The following VWCE variants were observed in gnomAD, a reference collection of about 807,000 sequenced individuals.
VWCE encodes von Willebrand factor C and EGF domain-containing protein.
Under a neutral mutation model 102.9 loss-of-function variants are expected in VWCE, and 68 were observed. That is an observed-to-expected ratio of 0.66 (90% CI 0.54 to 0.81). The LOEUF is 0.81. Ranked by LOEUF, VWCE falls within the 30% of genes least tolerant of loss-of-function variation. The probability of loss-of-function intolerance (pLI) is 0.00; values close to 1 mark genes in which losing one functional copy is unlikely to be tolerated. For synonymous variants in VWCE, 497 were observed against 515.4 expected, an observed-to-expected ratio of 0.96 and a Z score of 0.48; for missense variants, 1,137 against 1,263.6, an observed-to-expected ratio of 0.90 and a Z score of 1.52.
chr11:61,269,601 A>T (rs760382875), intron 14 of VWCE, among the ~76,000 whole-genome samples: 8 of 151,752 alleles, frequency 5.3e-5, no homozygotes, highest in Non-Finnish European at 1.0e-4. Flanking sequence ...ATGCGCCACC[A>T]CGCCAGGCTA....
At chr11:61,267,828 G>A (rs984629766) in intron 15 of VWCE, among the ~76,000 whole-genome samples, 1 of 152,128 alleles carries the variant, frequency 6.6e-6, no homozygotes, top group Non-Finnish European at 1.5e-5. Context: ...TCACCAGGGG[G>A]GATCAGGTGG....
intron 4 of VWCE, among the ~76,000 whole-genome samples, chr11:61,288,111 C>T (rs1005735383): frequency 1.3e-4 from 19 of 142,120 alleles, no homozygotes; most frequent in Non-Finnish European, 1.2e-4. Flanking sequence ...GAGCCGAGAT[C>T]GCACCACTGC....
chr11:61,282,031 A>C (rs1269438092), intron 6 of VWCE, 117 bp from the exon 7 acceptor site: 4 of 1,452,878 alleles, frequency 2.8e-6, no homozygotes, highest in Non-Finnish European at 2.7e-6. Flanking sequence ...TACAGGGTCC[A>C]TGCCTGCCCC....
chr11:61,266,179 A>G (rs1316030021), intron 16 of VWCE, among the ~76,000 whole-genome samples: 1 of 152,202 alleles, frequency 6.6e-6, no homozygotes, highest in Non-Finnish European at 1.5e-5. Context: ...CCTAGGCAAC[A>G]GAGCAAGATC....
At chr11:61,264,352 A>C in intron 19 of VWCE, 135 bp downstream of exon 19, 1 of 836,392 alleles carries the variant, frequency 1.2e-6, no homozygotes, top group Non-Finnish European at 1.9e-6. Flanking sequence ...CAGCTGTACA[A>C]CCTTGCGCGA....
chr11:61,290,991 C>T (rs1334779776), intron 3 of VWCE, 64 bp from the exon 4 acceptor site: 9 of 1,568,388 alleles, frequency 5.7e-6, no homozygotes, highest in Non-Finnish European at 7.8e-6. Flanking sequence ...CCCACTTCAC[C>T]AGGGTCCTCC....
chr11:61,266,359 A>G (rs1261862711), intron 16 of VWCE, among the ~76,000 whole-genome samples: 1 of 152,096 alleles, frequency 6.6e-6, no homozygotes. Context: ...GAGCAATACA[A>G]CACGACCCCA....
At chr11:61,289,915 C>T (rs1855446732) in intron 4 of VWCE, among the ~76,000 whole-genome samples, 1 of 152,188 alleles carries the variant, frequency 6.6e-6, no homozygotes, top group African/African-American at 2.4e-5. Flanking sequence ...AGGCTTTTGT[C>T]GCTCTGGAAA....
Position 61,278,403 on chromosome 11 carries a change from A to G in VWCE, c.1398T>C (p.Cys466=). 6.2e-7 allele frequency: 1 copy of G among 1,614,186 alleles called. No individual in the cohort carries two copies. Among genetic ancestry groups the G allele is most frequent in the East Asian group, 2.2e-5 (1 of 44,880 alleles). The change falls in exon 10 of 20, where the codon TGT becomes TGC. Residue 466 remains cysteine (C), a synonymous_variant. Coordinates refer to ENST00000335613, the MANE Select transcript of VWCE (RefSeq NM_152718.2). ...FSPPNENCTV[C]VCLAGNVSCI... ...ATCTTGTGACGCTTACCAGACAGACACAGACGGTGCAGTTCTCATTGGGAG... is the reference window on the plus strand; with the variant it reads ...ATCTTGTGACGCTTACCAGACAGACGCAGACGGTGCAGTTCTCATTGGGAG...
intron 10 of VWCE, among the ~76,000 whole-genome samples, chr11:61,277,126 GAGAA>G (rs1221635039): frequency 1.5e-5 from 2 of 137,102 alleles, no homozygotes; most frequent in Non-Finnish European, 3.1e-5. Flanking sequence ...AAGAAAGAGA[GAGAA>G]AGAGAAGAAA....
At chr11:61,276,481 G>T (rs1333809631) in intron 11 of VWCE, 112 bp downstream of exon 11, 2 of 775,204 alleles carry the variant, frequency 2.6e-6, no homozygotes, top group Non-Finnish European at 3.7e-6. Flanking sequence ...ACTTTGAGAG[G>T]CTGAAGCAGG....
rs1434432615 is a variant in VWCE at position 61,264,491 on chromosome 11, ACAGG to A, written c.2222_2225del (p.Ser741PhefsTer62). On this transcript the variant is annotated frameshift_variant, in exon 19 of 20. Coordinates refer to ENST00000335613, the MANE Select transcript of VWCE (RefSeq NM_152718.2). LOFTEE classifies it low-confidence loss of function (END_TRUNC). ...AGGACCCAGAGACCCACTTACCTGG[ACAGG>A]AAGAGCAGCAGTCCCCAGGAAGCAG... The A allele has an allele frequency of 6.2e-7, 1 of 1,613,196 alleles. No individual in the cohort carries two copies. The highest frequency in any genetic ancestry group is 2.2e-5 in the East Asian group (1 of 44,884).
At chr11:61,268,685 G>T (rs1274858502) in intron 15 of VWCE, among the ~76,000 whole-genome samples, 1 of 152,154 alleles carries the variant, frequency 6.6e-6, no homozygotes, top group Non-Finnish European at 1.5e-5. Context: ...TGTCTCACAG[G>T]TGCAGCTCCT....
intron 4 of VWCE, among the ~76,000 whole-genome samples, chr11:61,288,588 G>A (rs1855404657): frequency 6.6e-6 from 1 of 152,186 alleles, no homozygotes; most frequent in Admixed American, 6.5e-5. Context: ...ACCCTGTCCT[G>A]CAAGTGCTTT....
intron 14 of VWCE, chr11:61,271,306 C>G (rs1240535993): frequency 4.6e-6 from 1 of 215,982 alleles, no homozygotes; most frequent in Non-Finnish European, 9.5e-6. Flanking sequence ...CCACCACGCT[C>G]GGCTAATATT....
chr11:61,289,381 G>A (rs1590658493), intron 4 of VWCE, among the ~76,000 whole-genome samples: 1 of 152,012 alleles, frequency 6.6e-6, no homozygotes, highest in East Asian at 1.9e-4. Flanking sequence ...CTCCTGAGTA[G>A]CCGGGATTAC....
intron 11 of VWCE, among the ~76,000 whole-genome samples, chr11:61,275,224 C>A (rs995904323): frequency 6.6e-6 from 1 of 152,190 alleles, no homozygotes; most frequent in Non-Finnish European, 1.5e-5. Context: ...GATGCTACCA[C>A]CCCCTGGAGG....
At chr11:61,281,989 A>G (rs894781901) in intron 6 of VWCE, 75 bp from the exon 7 acceptor site, 21 of 1,553,430 alleles carry the variant, frequency 1.4e-5, no homozygotes, top group Non-Finnish European at 1.7e-5. Context: ...CCCTTAGCTC[A>G]AAACACTTGG....
Position 61,271,759 on chromosome 11 carries a change from G to C in VWCE, c.1701C>G (p.Gly567=). Residue 567 remains glycine, a splice_region_variant and synonymous_variant, in exon 14 of 20, where the codon GGC becomes GGG. Coordinates refer to ENST00000335613, the MANE Select transcript of VWCE (RefSeq NM_152718.2). ...FTCQEPTPST[G]CSLDDNGVEF... is the part of the protein sequence containing the mutation. The stretch of plus-strand genomic sequence containing the variant: ...CAACCCCGTTGTCGTCAAGAGAGCA[G>C]CCTGGATGAGGACAATGGCAGAGAA... The C allele has an allele frequency of 6.2e-7, 1 of 1,613,068 alleles. No homozygotes were observed. Among genetic ancestry groups the C allele is most frequent in the East Asian group, 2.2e-5 (1 of 44,874 alleles).
Sources: allele counts gnomAD v4.1 joint callset (sites outside exome capture counted in the v4.1 genomes callset), GRCh38; gene constraint gnomAD v4.1.1; transcripts MANE v1.5; gene names NCBI Gene and HGNC (gene_info 2026-07-23, HGNC 2026-07-21).